The following SH3PXD2B variants were observed in gnomAD, a reference collection of about 807,000 sequenced individuals.
SH3PXD2B encodes SH3 and PX domains 2B.
A neutral mutation model predicts 73.1 loss-of-function variants in SH3PXD2B; 37 were observed. The ratio of observed to expected loss-of-function variants is 0.51; its 90% CI spans 0.39 to 0.67. The LOEUF (loss-of-function observed/expected upper bound fraction) is 0.67, where lower values mean the gene tolerates loss of function less well. SH3PXD2B is among the 30% of genes least tolerant of loss of function. The pLI is 0.00. For synonymous variants in SH3PXD2B, 457 were observed against 480.5 expected (o/e 0.95, Z 0.64); for missense variants, 1,053 against 1,197.8 (o/e 0.88, Z 1.78).
chr5:172,335,605 C>T lies in SH3PXD2B; in HGVS notation c.*2764G>A, dbSNP rs779022293. On this transcript the variant is annotated 3_prime_UTR_variant, in exon 13 of 13. Transcript: ENST00000311601. ...TGTGTTTAGGCACTGGTCACCAGCCCGGTGCTTGGCACCATTGTCACGATG... is the reference window on the plus strand; with the variant it reads ...TGTGTTTAGGCACTGGTCACCAGCCTGGTGCTTGGCACCATTGTCACGATG... The T allele has an allele frequency of 2.1e-5, 26 of 1,231,734 alleles. No homozygotes were observed. The highest frequency in any genetic ancestry group is 1.7e-4 in the African/African-American group (11 of 64,418). The allele number at this position is 1,231,734 out of a possible 1,614,324, so 76.3% of individuals were successfully genotyped here.
intron 4 of SH3PXD2B, among the ~76,000 whole-genome samples, chr5:172,387,172 C>T (rs1171525036): frequency 2.6e-5 from 4 of 152,196 alleles, no homozygotes; most frequent in South Asian, 2.1e-4. Context: ...GTTTAAAATA[C>T]TACAGCATGG....
intron 5 of SH3PXD2B, among the ~76,000 whole-genome samples, chr5:172,380,373 C>T (rs2879468): frequency 0.067 from 10,114 of 152,080 alleles, 470 homozygotes; most frequent in South Asian, 0.2. Context: ...TGGGCAGTTT[C>T]GTGAGAAAAT....
At chr5:172,360,542 T>G (rs1404188620) in intron 7 of SH3PXD2B, among the ~76,000 whole-genome samples, 1 of 152,170 alleles carries the variant, frequency 6.6e-6, no homozygotes, top group Non-Finnish European at 1.5e-5. Flanking sequence ...TTAAAATATG[T>G]GTGTCCTGGC....
intron 3 of SH3PXD2B, among the ~76,000 whole-genome samples, chr5:172,397,053 T>C (rs989392799): frequency 1.3e-5 from 2 of 152,208 alleles, no homozygotes; most frequent in Non-Finnish European, 2.9e-5. Context: ...ATATTTCTCT[T>C]CTTTCAAAAG....
intron 6 of SH3PXD2B, among the ~76,000 whole-genome samples, chr5:172,367,604 A>G (rs1241723502): frequency 2.0e-5 from 3 of 151,994 alleles, no homozygotes; most frequent in Non-Finnish European, 4.4e-5. Context: ...CCCATCCTCT[A>G]TTTCTTCTAT....
Position 172,373,680 on chromosome 5 carries a change from T to A in SH3PXD2B, c.427+110A>T, listed in dbSNP as rs922905125. 78 of 1,252,594 alleles carry A rather than the reference T, an allele frequency of 6.2e-5. 1 individual carries two copies. In the South Asian group the frequency reaches 8.3e-4, roughly 13 times the overall value. 77.6% of individuals were successfully genotyped at this position (1,252,594 alleles called of 1,614,324 possible). ...CTCCCTCCTGCCAACCATCCACCCA[T>A]CCACATCACTGTATCCTCAGCATGG... On this transcript the variant is annotated intron_variant, in intron 6 of 12. Coordinates refer to ENST00000311601, the MANE Select transcript of SH3PXD2B (RefSeq NM_001017995.3).
In SH3PXD2B at chr5:172,334,048, T is replaced by C. The variant is rs1278963657; in HGVS notation, c.*4321A>G. 8.6e-7 allele frequency: 1 copy of C among 1,169,524 alleles called. No individual in the cohort carries two copies. The highest frequency in any genetic ancestry group is 4.3e-5 in the Admixed American group (1 of 23,220). 72.4% of individuals were successfully genotyped at this position (1,169,524 alleles called of 1,614,324 possible). A position where few individuals can be genotyped will look rare whatever the true frequency, so the allele number is the denominator to read the frequency against. ...AAGTGAAGGCTACCGACTGTGGCAC[T>C]GCGTTTGGCCTCTTTGAGGACAGAA... is the stretch of plus-strand genomic sequence containing the variant. On this transcript the variant is annotated 3_prime_UTR_variant, in exon 13 of 13. Transcript: ENST00000311601.
At chr5:172,390,810 G>A (rs945276015) in intron 4 of SH3PXD2B, among the ~76,000 whole-genome samples, 6 of 131,264 alleles carry the variant, frequency 4.6e-5, no homozygotes, top group African/African-American at 1.5e-4. Flanking sequence ...GTAGCTTCCC[G>A]TCTTTTGTGT....
intron 1 of SH3PXD2B, among the ~76,000 whole-genome samples, chr5:172,423,935 G>T (rs766713546): frequency 3.3e-5 from 5 of 152,006 alleles, no homozygotes; most frequent in Non-Finnish European, 5.9e-5. Flanking sequence ...GAGCCACCGC[G>T]CCCGGCCCGC....
chr5:172,417,972 A>G (rs1273586750), intron 2 of SH3PXD2B, among the ~76,000 whole-genome samples: 1 of 152,226 alleles, frequency 6.6e-6, no homozygotes, highest in East Asian at 1.9e-4. Context: ...AGCCTCTGGC[A>G]GCCACGAACC....
At chr5:172,329,534 G>GTTTTTTTTTTTTTTTTTTTTTTT (rs1756513775), downstream of SH3PXD2B, among the ~76,000 whole-genome samples, 1 of 79,018 alleles carries the variant, frequency 1.3e-5, no homozygotes, top group Non-Finnish European at 2.8e-5. Context: ...CTGGATCTTT[G>GTTTTTTTTTTTTTTTTTTTTTTT]TTATTCTTTT....
rs181786677 is a variant in SH3PXD2B at position 172,414,933 on chromosome 5, G to A, written c.156+7483C>T. On this transcript the variant is annotated intron_variant, in intron 2 of 12. Coordinates refer to ENST00000311601, the MANE Select transcript of SH3PXD2B (RefSeq NM_001017995.3). ...CAATGCCCTCCCCCATTCGGTGGAG[G>A]GGCCACTCCTTATTCATTGTCAAGA... Among the ~76,000 whole-genome samples, 435 of 152,260 alleles carry A rather than the reference G, an allele frequency of 2.9e-3. 4 individuals carry two copies. In the South Asian group the frequency reaches 0.032, roughly 11 times the overall value.
intron 1 of SH3PXD2B, among the ~76,000 whole-genome samples, chr5:172,434,782 G>GTTTTTGTTTTTTTGTTTTTTTT (rs1554087271): frequency 6.0e-5 from 4 of 66,348 alleles, no homozygotes; most frequent in African/African-American, 1.8e-4. Context: ...ATGGCCAATG[G>GTTTTTGTTTTTTTGTTTTTTTT]TTTTTTTTTT....
rs1167085100 is a variant in SH3PXD2B, at chr5:172,348,626, GTATC to G, written c.1013-1298_1013-1295del. On this transcript the variant is annotated intron_variant, in intron 10 of 12. Coordinates refer to ENST00000311601, the MANE Select transcript of SH3PXD2B (RefSeq NM_001017995.3). ...TGTTTTAGCATCTGAATCTATCTATGTATCTATCTATGTATCTATCTATCTATCC... is the reference window on the plus strand; with the variant it reads ...TGTTTTAGCATCTGAATCTATCTATGTATCTATGTATCTATCTATCTATCC... Among the ~76,000 whole-genome samples, 62 of 92,628 alleles carry G rather than the reference GTATC, an allele frequency of 6.7e-4. 1 individual carries two copies. The highest frequency in any genetic ancestry group is 3.0e-3 in the East Asian group (10 of 3,292). 60.8% of individuals were successfully genotyped at this position (92,628 alleles called of 152,430 possible). A position where few individuals can be genotyped will look rare whatever the true frequency, so the allele number is the denominator to read the frequency against.
At position 172,409,180 on chromosome 5, in the gene SH3PXD2B, G is replaced by A. The variant is rs985695208; in HGVS notation, c.157-2828C>T. On this transcript the variant is annotated intron_variant, in intron 2 of 12. Coordinates refer to ENST00000311601, the MANE Select transcript of SH3PXD2B (RefSeq NM_001017995.3). ...GTGGATGGCCTGAGGTCAGGAGATC[G>A]AGACCAGCCTGACTAACAGTGAAAC... is the stretch of plus-strand genomic sequence containing the variant. Among the ~76,000 whole-genome samples, 9 of 152,138 alleles carry A rather than the reference G, an allele frequency of 5.9e-5. No individual in the cohort carries two copies. The South Asian group carries it at 6.2e-4, about 11-fold the overall frequency.
intron 5 of SH3PXD2B, among the ~76,000 whole-genome samples, chr5:172,376,025 A>ATCT (rs201754952): frequency 6.9e-6 from 1 of 145,880 alleles, no homozygotes; most frequent in Non-Finnish European, 1.5e-5. Context: ...CTTGTCATGT[A>ATCT]TCTTCTTTTT....
At chr5:172,393,702 C>T (rs1241643735) in intron 4 of SH3PXD2B, among the ~76,000 whole-genome samples, 1 of 152,160 alleles carries the variant, frequency 6.6e-6, no homozygotes, top group Non-Finnish European at 1.5e-5. Context: ...ATCAGAATCG[C>T]TAGTGATTTT....
At chr5:172,404,429 T>C (rs1237075734) in intron 3 of SH3PXD2B, among the ~76,000 whole-genome samples, 1 of 152,044 alleles carries the variant, frequency 6.6e-6, no homozygotes, top group Non-Finnish European at 1.5e-5. Flanking sequence ...GTAGCTGGGA[T>C]TATAGGTGCC....
At chr5:172,363,782 G>C (rs1171951668) in intron 6 of SH3PXD2B, among the ~76,000 whole-genome samples, 1 of 152,202 alleles carries the variant, frequency 6.6e-6, no homozygotes, top group Non-Finnish European at 1.5e-5. Flanking sequence ...AGATCAGGCA[G>C]GGCCTTTGGG....
Sources: gnomAD v4.1 joint callset for allele counts (sites outside exome capture counted in the v4.1 genomes callset) on GRCh38, gnomAD v4.1.1 for gene constraint, MANE v1.5 for transcripts, NCBI Gene and HGNC (gene_info 2026-07-23, HGNC 2026-07-21) for gene names.